The following PBX1 variants were observed in gnomAD, a reference collection of about 807,000 sequenced individuals.
PBX1 encodes the protein PBX homeobox 1, also known as pre-B-cell leukemia transcription factor 1.
A neutral mutation model predicts 53.4 loss-of-function variants in PBX1; 6 were observed. The observed-to-expected ratio is 0.11, with a 90% CI of 0.06 to 0.22. PBX1 has a LOEUF of 0.22. PBX1 is among the 10% of genes least tolerant of loss of function. The pLI is 1.00. For synonymous variants in PBX1, 204 were observed against 212.3 expected (o/e 0.96, Z 0.34); for missense variants, 251 against 551.4 (o/e 0.46, Z 5.46).
intron 8 of PBX1, among the ~76,000 whole-genome samples, chr1:164,839,240 A>G (rs1269680808): frequency 6.6e-6 from 1 of 152,194 alleles, no homozygotes. Context: ...TATTTTGATA[A>G]TATAGCAAAT....
At chr1:164,769,635 G>C (rs980071598) in intron 2 of PBX1, among the ~76,000 whole-genome samples, 19 of 152,122 alleles carry the variant, frequency 1.2e-4, no homozygotes, top group Admixed American at 8.5e-4. Flanking sequence ...GAAATCTAGG[G>C]AGCATGGCAA....
intron 2 of PBX1, among the ~76,000 whole-genome samples, chr1:164,592,917 A>G (rs1360359342): frequency 6.6e-6 from 1 of 151,132 alleles, no homozygotes; most frequent in African/African-American, 2.4e-5. Context: ...GGGAGCTAGT[A>G]CTTTCCCAGC....
intron 2 of PBX1, among the ~76,000 whole-genome samples, chr1:164,704,320 G>A (rs1269706150): frequency 2.0e-5 from 3 of 152,144 alleles, no homozygotes; most frequent in Admixed American, 1.3e-4. Flanking sequence ...GCAGAAAGGG[G>A]AACAATTTCT....
At chr1:164,859,670 C>T (rs544799002) in intron 2 of PBX1, among the ~76,000 whole-genome samples, 4 of 152,306 alleles carry the variant, frequency 2.6e-5, no homozygotes, top group Non-Finnish European at 5.9e-5. Context: ...AAATCATGAA[C>T]ATTGACAAGC....
chr1:164,765,569 G>T (rs1223856415), intron 2 of PBX1, among the ~76,000 whole-genome samples: 1 of 152,190 alleles, frequency 6.6e-6, no homozygotes, highest in African/African-American at 2.4e-5. Context: ...GATGCCTTCT[G>T]TGTGCCCAGC....
At chr1:164,715,496 A>T (rs1018429637) in intron 2 of PBX1, among the ~76,000 whole-genome samples, 2 of 152,128 alleles carry the variant, frequency 1.3e-5, no homozygotes, top group Non-Finnish European at 2.9e-5. Flanking sequence ...TCCCCAGCAT[A>T]TTGCTATGGC....
At position 164,847,944 on chromosome 1, in the gene PBX1, G is replaced by A; in HGVS notation, c.*1268G>A. The A allele has an allele frequency of 5.7e-6, 6 of 1,052,806 alleles. No homozygotes were observed. The highest frequency in any genetic ancestry group is 6.9e-6 in the Non-Finnish European group (6 of 871,470). 65.2% of individuals were successfully genotyped at this position (1,052,806 alleles called of 1,614,324 possible). A position where few individuals can be genotyped will look rare whatever the true frequency, so the allele number is the denominator to read the frequency against. ...GGGAGCCCCATACAGTACTTACAAT[G>A]TCTTTAATGGACTTGATTCTGTTTA... On this transcript the variant is annotated 3_prime_UTR_variant, in exon 9 of 9. Coordinates refer to ENST00000420696, the MANE Select transcript of PBX1 (RefSeq NM_002585.4).
At chr1:164,649,392 C>T (rs1277570602) in intron 2 of PBX1, among the ~76,000 whole-genome samples, 1 of 152,076 alleles carries the variant, frequency 6.6e-6, no homozygotes, top group African/African-American at 2.4e-5. Flanking sequence ...TAACTATTTT[C>T]GAATGTAGAG....
chr1:164,738,688 A>T (rs1665428916), intron 2 of PBX1, among the ~76,000 whole-genome samples: 1 of 152,228 alleles, frequency 6.6e-6, no homozygotes, highest in Admixed American at 6.5e-5. Context: ...AAATTAAATG[A>T]GGTATTACAG....
intron 2 of PBX1, among the ~76,000 whole-genome samples, chr1:164,587,315 T>C (rs1176990911): frequency 1.3e-5 from 2 of 151,646 alleles, no homozygotes; most frequent in Admixed American, 6.6e-5. Flanking sequence ...CAGAGGGGAG[T>C]GTTGTGGAGA....
At chr1:164,660,612 G>A (rs1660433365) in intron 2 of PBX1, among the ~76,000 whole-genome samples, 1 of 152,194 alleles carries the variant, frequency 6.6e-6, no homozygotes, top group Admixed American at 6.5e-5. Flanking sequence ...GTTTTGTCTA[G>A]AGGTCACACT....
downstream of PBX1, among the ~76,000 whole-genome samples, chr1:164,856,557 C>T (rs769193647): frequency 2.6e-5 from 4 of 152,178 alleles, no homozygotes; most frequent in Non-Finnish European, 4.4e-5. Context: ...GCTTCATAGG[C>T]GGAGTCTTCC....
intron 8 of PBX1, among the ~76,000 whole-genome samples, chr1:164,823,617 T>TGG (rs10588514): frequency 2.4e-3 from 111 of 46,058 alleles, no homozygotes; most frequent in African/African-American, 4.3e-3. Context: ...CTCTGGGGGG[T>TGG]GGGGGGGGGG....
intron 2 of PBX1, among the ~76,000 whole-genome samples, chr1:164,768,208 T>C (rs1319863444): frequency 6.6e-6 from 1 of 152,204 alleles, no homozygotes; most frequent in Non-Finnish European, 1.5e-5. Context: ...TACAGCCGGC[T>C]TTATTTTACA....
At chr1:164,874,621 A>G (rs1672461701) in intron 2 of PBX1, among the ~76,000 whole-genome samples, 1 of 152,044 alleles carries the variant, frequency 6.6e-6, no homozygotes, top group African/African-American at 2.4e-5. Context: ...CAGCCTCCCA[A>G]GTAGCTGGAA....
chr1:164,743,390 C>G (rs562488697), intron 2 of PBX1, among the ~76,000 whole-genome samples: 14 of 152,042 alleles, frequency 9.2e-5, no homozygotes, highest in African/African-American at 3.4e-4. Context: ...TACTCCTAGC[C>G]CTTGGATCCA....
intron 2 of PBX1, among the ~76,000 whole-genome samples, chr1:164,765,719 G>A (rs1667027124): frequency 6.6e-6 from 1 of 152,178 alleles, no homozygotes; most frequent in South Asian, 2.1e-4. Flanking sequence ...GAGTCAGACA[G>A]CTAACAAGAG....
intron 2 of PBX1, among the ~76,000 whole-genome samples, chr1:164,653,063 T>G (rs1659932600): frequency 1.3e-5 from 2 of 151,870 alleles, no homozygotes; most frequent in Non-Finnish European, 2.9e-5. Flanking sequence ...GATGGAGTTT[T>G]GCCATGTTGG....
chr1:164,773,311 T>C (rs945364018), intron 2 of PBX1, among the ~76,000 whole-genome samples: 1 of 149,622 alleles, frequency 6.7e-6, no homozygotes, highest in Non-Finnish European at 1.5e-5. Context: ...CCTTCCACTG[T>C]CAGATCGTAA....
Sources: gnomAD v4.1 joint callset for allele counts (sites outside exome capture counted in the v4.1 genomes callset) on GRCh38, gnomAD v4.1.1 for gene constraint, MANE v1.5 for transcripts, NCBI Gene and HGNC (gene_info 2026-07-23, HGNC 2026-07-21) for gene names.